Variants in USP25 observed in about 807,000 individuals in gnomAD.
The protein encoded by USP25 is ubiquitin carboxyl-terminal hydrolase 25.
A neutral mutation model predicts 158.5 loss-of-function variants in USP25; 85 were observed. That is an observed-to-expected ratio of 0.54 (90% confidence interval 0.45 to 0.64). The LOEUF (loss-of-function observed/expected upper bound fraction) is 0.64, where lower values mean the gene tolerates loss of function less well. Ranked by LOEUF, USP25 falls within the 30% of genes least tolerant of loss-of-function variation. The pLI, the probability that USP25 is intolerant of heterozygous loss-of-function variation, is 0.00. For synonymous variants in USP25, 464 were observed against 460.4 expected, an observed-to-expected ratio of 1.01 and a Z score of -0.10; for missense variants, 1,242 against 1,327.3, an observed-to-expected ratio of 0.94 and a Z score of 1.00.
chr21:15,816,141 T>G lies in USP25; in HGVS notation c.932-2557T>G, dbSNP rs1266769910. Among the ~76,000 whole-genome samples, 2 of 152,276 alleles carry G rather than the reference T, an allele frequency of 1.3e-5. No individual in the cohort carries two copies. Among genetic ancestry groups the G allele is most frequent in the Admixed American group, 1.3e-4 (2 of 15,298 alleles). ...AGGTAACTGAATCATGGTGGGGCAG[T>G]CTTTCCTGTGCTATTCTCATGATAT... On this transcript the variant is annotated intron_variant, in intron 9 of 25. Transcript: ENST00000400183. This position sits in a 1 kb window ranked among gnomAD's most constrained non-coding sequence, Gnocchi z 4.0.
In USP25 at chr21:15,813,570, T is replaced by C. The variant is rs183822680; in HGVS notation, c.931+2360T>C. On this transcript the variant is annotated intron_variant, in intron 9 of 25. Coordinates refer to ENST00000400183, the MANE Select transcript of USP25 (RefSeq NM_001283041.3). The stretch of plus-strand genomic sequence containing the variant: ...TGCTCAGAATTCCCTCCCTTCATGC[T>C]TTTACTCAGACCTTACTTCATTCGT... Among the ~76,000 whole-genome samples, 102 of 152,296 alleles carry C rather than the reference T, an allele frequency of 6.7e-4. No homozygotes were observed. The Middle Eastern group carries it at 0.014, about 20-fold the overall frequency.
In USP25 at chr21:15,818,689, T is replaced by C. The variant is rs773855736; in HGVS notation, c.932-9T>C. The C allele has an allele frequency of 1.9e-6, 3 of 1,602,114 alleles. No homozygotes were observed. The highest frequency in any genetic ancestry group is 1.7e-5 in the Admixed American group (1 of 58,534). On this transcript the variant is annotated splice_polypyrimidine_tract_variant and intron_variant, in intron 9 of 25. Transcript: ENST00000400183. ...TATTGAGTATTATTAATTTTCTCCCTTCTTATAGGTAAAAAATTTGAAAAC... is the reference window on the plus strand; with the variant it reads ...TATTGAGTATTATTAATTTTCTCCCCTCTTATAGGTAAAAAATTTGAAAAC...
chr21:15,735,484 A>G (rs1384801965), intron 1 of USP25, among the ~76,000 whole-genome samples: 1 of 152,198 alleles, frequency 6.6e-6, no homozygotes, highest in Non-Finnish European at 1.5e-5. Flanking sequence ...GTATTATACC[A>G]TTTTATATAA....
chr21:15,735,844 C>CT (rs2031441755), intron 1 of USP25, among the ~76,000 whole-genome samples: 1 of 151,900 alleles, frequency 6.6e-6, no homozygotes, highest in Non-Finnish European at 1.5e-5. Context: ...CCAAATTTTG[C>CT]TTATTGTCTT....
intron 6 of USP25, among the ~76,000 whole-genome samples, chr21:15,804,173 G>C (rs561461967): frequency 6.6e-6 from 1 of 151,898 alleles, no homozygotes; most frequent in African/African-American, 2.4e-5. Context: ...AATGTGGGTT[G>C]TTTTAATTTC....
chr21:15,870,166 A>G lies in USP25; in HGVS notation c.2885+19A>G, dbSNP rs1568914574. Reference sequence around the variant, plus strand: ...GAGAAAGGTAAGGCAAAGTGGACAAATATGAAAAGAGCATAATTTTTGCAC... The same window carrying G: ...GAGAAAGGTAAGGCAAAGTGGACAAGTATGAAAAGAGCATAATTTTTGCAC... On this transcript the variant is annotated intron_variant, in intron 23 of 25. Transcript: ENST00000400183. The G allele has an allele frequency of 6.3e-7, 1 of 1,575,844 alleles. No individual in the cohort carries two copies. Among genetic ancestry groups the G allele is most frequent in the Admixed American group, 1.8e-5 (1 of 57,026 alleles).
intron 7 of USP25, among the ~76,000 whole-genome samples, chr21:15,807,862 C>T (rs967769663): frequency 6.6e-6 from 1 of 152,118 alleles, no homozygotes; most frequent in Admixed American, 6.5e-5. Context: ...CTATTCAACC[C>T]GCCACAGATG....
rs769305228 is a variant in USP25 at position 15,878,403 on chromosome 21, C to T, written c.3306C>T (p.Ser1102=). Residue 1102 remains serine (S), a synonymous_variant, in exon 26 of 26, where the codon TCC becomes TCT. Transcript: ENST00000400183. ...AGCCACCGAAGTTACCTTCATATTCCACGCATGAACTCTGTGAGCGATTTG... is the reference window on the plus strand; with the variant it reads ...AGCCACCGAAGTTACCTTCATATTCTACGCATGAACTCTGTGAGCGATTTG... ...FHEPPKLPSY[S]THELCERFAR... 6.2e-7 allele frequency: 1 copy of T among 1,613,994 alleles called. No individual in the cohort carries two copies.
In USP25 at chr21:15,767,548, G is replaced by C. The variant is rs143581104; in HGVS notation, c.268+1407G>C. Among the ~76,000 whole-genome samples, 310 of 152,140 alleles carry C rather than the reference G, an allele frequency of 2.0e-3. 1 individual carries two copies. Among genetic ancestry groups the C allele is most frequent in the Middle Eastern group, 0.014 (4 of 294 alleles). Reference sequence around the variant, plus strand: ...TAAAGCTCTTTCAAAACCAATGAAAGGGAATGAAGTTGAGAAGCTTGTTGC... The same window carrying C: ...TAAAGCTCTTTCAAAACCAATGAAACGGAATGAAGTTGAGAAGCTTGTTGC... On this transcript the variant is annotated intron_variant, in intron 3 of 25. Coordinates refer to ENST00000400183, the MANE Select transcript of USP25 (RefSeq NM_001283041.3).
chr21:15,791,415 A>T, intron 4 of USP25, 87 bp from the exon 5 acceptor site: 2 of 1,308,514 alleles, frequency 1.5e-6, no homozygotes, highest in Non-Finnish European at 2.0e-6. Context: ...TTGAAATCTT[A>T]TGTAATGAAA....
At chr21:15,866,232 C>T in intron 21 of USP25, 34 bp from the exon 22 acceptor site, 2 of 1,468,014 alleles carry the variant, frequency 1.4e-6, no homozygotes, top group Non-Finnish European at 1.9e-6. Flanking sequence ...CACACACATA[C>T]ACACACGCTC....
Position 15,849,892 on chromosome 21 carries a change from T to C in USP25, c.2547+20T>C, listed in dbSNP as rs1382701742. 1 of 1,424,170 alleles carries C rather than the reference T, an allele frequency of 7.0e-7. No individual in the cohort carries two copies. 88.2% of individuals were successfully genotyped at this position (1,424,170 alleles called of 1,614,324 possible). ...TTTAAGGTACAATGAACATTTTCAT[T>C]TTCGTGTCTTTTCTTTTTCAAAATT... On this transcript the variant is annotated intron_variant, in intron 20 of 25. Coordinates refer to ENST00000400183, the MANE Select transcript of USP25 (RefSeq NM_001283041.3).
rs1389219855 is a variant in USP25 at position 15,842,490 on chromosome 21, AAGGC to A, written c.2289_2292del (p.Lys763AsnfsTer32). ...AGAAGAAACTATTCAAATAATTACC[AAGGC>A]ATCACATGAGCATGAAGATAAAAGT... On this transcript the variant is annotated frameshift_variant, in exon 18 of 26. Transcript: ENST00000400183. LOFTEE classifies it high-confidence loss of function. 1 of 1,613,678 alleles carries A rather than the reference AAGGC, an allele frequency of 6.2e-7. No homozygotes were observed. Among genetic ancestry groups the A allele is most frequent in the Non-Finnish European group, 8.5e-7 (1 of 1,179,778 alleles).
At chr21:15,800,665 A>G (rs2036089063) in intron 6 of USP25, among the ~76,000 whole-genome samples, 1 of 151,436 alleles carries the variant, frequency 6.6e-6, no homozygotes, top group Non-Finnish European at 1.5e-5. Context: ...GTCATAAACA[A>G]TCTGTAGTCC....
intron 4 of USP25, among the ~76,000 whole-genome samples, chr21:15,788,712 T>C (rs1247148585): frequency 6.6e-6 from 1 of 152,210 alleles, no homozygotes; most frequent in African/African-American, 2.4e-5. Flanking sequence ...ACATGCTTTT[T>C]TTTTGCACCA....
At chr21:15,798,706 A>G (rs931180124) in intron 5 of USP25, among the ~76,000 whole-genome samples, 1 of 151,322 alleles carries the variant, frequency 6.6e-6, no homozygotes, top group Non-Finnish European at 1.5e-5. Flanking sequence ...CTAGATCACA[A>G]GATAAAATTT....
At position 15,878,662 on chromosome 21, in the gene USP25, G is replaced by A. The variant is rs1424635232; in HGVS notation, c.*187G>A. The A allele has an allele frequency of 6.1e-6, 3 of 494,500 alleles. No individual in the cohort carries two copies. Among genetic ancestry groups the A allele is most frequent in the South Asian group, 6.0e-5 (1 of 16,662 alleles). 30.6% of individuals were successfully genotyped at this position (494,500 alleles called of 1,614,324 possible). A position where few individuals can be genotyped will look rare whatever the true frequency, so the allele number is the denominator to read the frequency against. ...ACAATAAAGCTGAAAATCGCATGGC[G>A]CTCAGACATTTTAACCGGAACTGAT... On this transcript the variant is annotated 3_prime_UTR_variant, in exon 26 of 26. Coordinates refer to ENST00000400183, the MANE Select transcript of USP25 (RefSeq NM_001283041.3).
chr21:15,730,451 C>G lies in USP25; in HGVS notation c.45+13C>G. On this transcript the variant is annotated intron_variant, in intron 1 of 25. Coordinates refer to ENST00000400183, the MANE Select transcript of USP25 (RefSeq NM_001283041.3). ...CGCGGCGCAGAAGGTGAGGCGAGTCCGCCAGCCGGCGGGCCCCACTTCTCC... is the reference window on the plus strand; with the variant it reads ...CGCGGCGCAGAAGGTGAGGCGAGTCGGCCAGCCGGCGGGCCCCACTTCTCC... The G allele has an allele frequency of 7.4e-7, 1 of 1,353,208 alleles. No individual in the cohort carries two copies. The highest frequency in any genetic ancestry group is 9.6e-7 in the Non-Finnish European group (1 of 1,044,008). 83.8% of individuals were successfully genotyped at this position (1,353,208 alleles called of 1,614,324 possible).
rs761508996 is a variant in USP25, at chr21:15,866,291, C to G, written c.2752C>G (p.Gln918Glu). Reference protein sequence around the residue: ...ERCHNIMKVAQAKLEMIKPEE... With the variant: ...ERCHNIMKVAEAKLEMIKPEE... ...GTGTCACAACATAATGAAAGTTGCT[C>G]AAGCCAAACTGGAAATGATAAAACC... is the stretch of plus-strand genomic sequence containing the variant. Residue 918 changes from glutamine to glutamate, a missense_variant, in exon 22 of 26, where the codon CAA becomes GAA. Transcript: ENST00000400183. 8.1e-6 allele frequency: 13 copies of G among 1,603,886 alleles called. No individual in the cohort carries two copies. The highest frequency in any genetic ancestry group is 5.1e-6 in the Non-Finnish European group (6 of 1,175,188).
Sources: allele counts gnomAD v4.1 joint callset (sites outside exome capture counted in the v4.1 genomes callset), GRCh38; gene constraint gnomAD v4.1.1; non-coding constraint Gnocchi (gnomAD v3.1); transcripts MANE v1.5; gene names NCBI Gene and HGNC (gene_info 2026-07-23, HGNC 2026-07-21).